Variants in GCN1 observed in about 807,000 individuals in gnomAD.
The protein encoded by GCN1 is stalled ribosome sensor GCN1.
Under a neutral mutation model 288.4 loss-of-function variants are expected in GCN1, and 90 were observed. The observed-to-expected ratio is 0.31, with a 90% CI of 0.26 to 0.37. The LOEUF (loss-of-function observed/expected upper bound fraction) is 0.37, where lower values mean the gene tolerates loss of function less well. Among genes scored for constraint, GCN1 ranks in the 10% least tolerant of loss-of-function variants. The probability of loss-of-function intolerance (pLI) is 1.00; values close to 1 mark genes in which losing one functional copy is unlikely to be tolerated. For missense variants in GCN1, 2,586 were observed against 3,419.9 expected (o/e 0.76, Z 6.08); for synonymous variants, 1,386 against 1,420.2 (o/e 0.98, Z 0.54).
At chr12:120,181,018 G>A (rs1878640596) in intron 5 of GCN1, among the ~76,000 whole-genome samples, 1 of 151,028 alleles carries the variant, frequency 6.6e-6, no homozygotes, top group Non-Finnish European at 1.5e-5. Context: ...AAAAGAAAAA[G>A]CAAGCAAGCA....
chr12:120,178,987 CATGAGACTGAGGGTCCCAT>C (rs1267356981), intron 5 of GCN1, 37 bp from the exon 6 acceptor site: 1 of 1,554,338 alleles, frequency 6.4e-7, no homozygotes, highest in Non-Finnish European at 8.8e-7. Context: ...CAAGGTGGGA[CATGAGACTGAGGGTCCCAT>C]GGCTCTCATA....
intron 20 of GCN1, chr12:120,162,318 G>A: frequency 2.0e-6 from 1 of 509,960 alleles, no homozygotes; most frequent in Non-Finnish European, 3.5e-6. Context: ...AGGTGGAGCT[G>A]CCCTCACTTT....
Position 120,164,453 on chromosome 12 carries a change from G to A in GCN1, c.1731C>T (p.Thr577=). ...RALVAVLLSR[T]WHVRRQAQQT... ...GCTGAGCCTGCCTGCGGACGTGCCAGGTGCGGCTCAGGAGCACCGCCACCA... is the reference window on the plus strand; with the variant it reads ...GCTGAGCCTGCCTGCGGACGTGCCAAGTGCGGCTCAGGAGCACCGCCACCA... Residue 577 remains threonine, a synonymous_variant, in exon 18 of 58, where the codon ACC becomes ACT. Transcript: ENST00000300648. 6.2e-7 allele frequency: 1 copy of A among 1,614,208 alleles called. No homozygotes were observed. The highest frequency in any genetic ancestry group is 8.5e-7 in the Non-Finnish European group (1 of 1,180,032).
Position 120,170,646 on chromosome 12 carries a change from T to C in GCN1, c.1367-325A>G, listed in dbSNP as rs552665667. The stretch of plus-strand genomic sequence containing the variant: ...CAACATGGAGAAACCCCGTCTCTAT[T>C]AAAAATACAAAATTAGCTGGGCGTG... On this transcript the variant is annotated intron_variant, in intron 14 of 57. Coordinates refer to ENST00000300648, the MANE Select transcript of GCN1 (RefSeq NM_006836.2). Among the ~76,000 whole-genome samples, 4 of 151,454 alleles carry C rather than the reference T, an allele frequency of 2.6e-5. No individual in the cohort carries two copies. The South Asian group carries it at 8.4e-4, about 32-fold the overall frequency.
chr12:120,149,597 T>G lies in GCN1; in HGVS notation c.4546+9A>C, dbSNP rs759299717. 2 of 1,579,170 alleles carry G rather than the reference T, an allele frequency of 1.3e-6. No individual in the cohort carries two copies. Among genetic ancestry groups the G allele is most frequent in the Admixed American group, 1.7e-5 (1 of 59,916 alleles). On this transcript the variant is annotated intron_variant, in intron 36 of 57. Coordinates refer to ENST00000300648, the MANE Select transcript of GCN1 (RefSeq NM_006836.2). The stretch of plus-strand genomic sequence containing the variant: ...AAGCTGGGAAGAGAGGCAGAGCGAG[T>G]GGTCTTACCAGCTTTGGTCCGCCAC...
At chr12:120,139,805 C>T (rs1427705641) in intron 45 of GCN1, among the ~76,000 whole-genome samples, 1 of 152,180 alleles carries the variant, frequency 6.6e-6, no homozygotes, top group Non-Finnish European at 1.5e-5. Context: ...CTTTCTTTTG[C>T]TTATTCTCTT....
At chr12:120,193,986 G>T (rs529567598) in intron 1 of GCN1, among the ~76,000 whole-genome samples, 4 of 152,284 alleles carry the variant, frequency 2.6e-5, no homozygotes, top group Admixed American at 2.6e-4. Flanking sequence ...TGGAGGAAAA[G>T]GTTTTCCCAG....
At position 120,140,935 on chromosome 12, in the gene GCN1, C is replaced by T. The variant is rs1309720059; in HGVS notation, c.5918G>A (p.Arg1973Lys). Residue 1973 changes from arginine (R) to lysine (K), a missense_variant, in exon 45 of 58, where the codon AGG (arginine) becomes AAG (lysine). This residue lies in a region of GCN1 where 437 missense variants were observed against 570.5 expected (regional missense o/e 0.77). Transcript: ENST00000300648. The stretch of plus-strand genomic sequence containing the variant: ...CTGCCTCTCATCGCTCTTCTGAGAC[C>T]TCAGGCCTTCCTCAAGGATGGGGAT... ...EIIPILEEGL[R>K]SQKSDERQGV... 2 of 1,614,104 alleles carry T rather than the reference C, an allele frequency of 1.2e-6. No homozygotes were observed. Among genetic ancestry groups the T allele is most frequent in the Admixed American group, 3.3e-5 (2 of 60,022 alleles).
chr12:120,156,990 A>G lies in GCN1; in HGVS notation c.3090T>C (p.Asn1030=). 1.2e-6 allele frequency: 2 copies of G among 1,609,368 alleles called. No individual in the cohort carries two copies. The highest frequency in any genetic ancestry group is 1.7e-6 in the Non-Finnish European group (2 of 1,175,788). Residue 1030 remains asparagine (N), a splice_region_variant and synonymous_variant, in exon 27 of 58, where the codon AAT becomes AAC. Transcript: ENST00000300648. The surrounding 1 kb of genome is among the most constrained non-coding windows in gnomAD (Gnocchi z 5.8). ...PNTPPGRVDE[N]GPELLPRVAM... ...CCACGCGAGGCAGCAACTCCGGGCC[A>G]TTCTAGGAGAGAACGGCAGGTAAGT...
intron 15 of GCN1, 100 bp from the exon 16 acceptor site, chr12:120,168,400 C>T (rs1338857426): frequency 2.6e-6 from 2 of 763,964 alleles, no homozygotes; most frequent in South Asian, 1.4e-5. Context: ...TGCTGACAAA[C>T]CCTCCTCTGC....
intron 38 of GCN1, among the ~76,000 whole-genome samples, 178 bp from the exon 39 acceptor site, chr12:120,145,508 G>A (rs1189403135): frequency 6.6e-6 from 1 of 152,110 alleles, no homozygotes; most frequent in Non-Finnish European, 1.5e-5. Context: ...TCTCCGACTG[G>A]TTCCTTCAAG....
Position 120,144,944 on chromosome 12 carries a change from C to G in GCN1, c.5134G>C (p.Asp1712His). The stretch of plus-strand genomic sequence containing the variant: ...TTACCCTGTGCAGCGCCTGAGCGAT[C>G]CACAGAGCTCTGCTCATAGGTCAGT... The part of the protein sequence containing the change: ...ETLTYEQSSV[D>H]RSGAAQGLAE... The change falls in exon 40 of 58, where the codon GAT becomes CAT. Residue 1712 changes from aspartate (D) to histidine (H), a missense_variant. Physicochemically the swap from Asp to His is moderately conservative, Grantham distance 81 (BLOSUM62 -1). Around this residue, in one of 8 missense-constraint regions of GCN1, gnomAD observed 371 missense variants for 572.6 expected, o/e 0.65. Transcript: ENST00000300648. The surrounding 1 kb of genome is among the most constrained non-coding windows in gnomAD (Gnocchi z 4.7). 1 of 1,614,178 alleles carries G rather than the reference C, an allele frequency of 6.2e-7. No homozygotes were observed. The highest frequency in any genetic ancestry group is 2.2e-5 in the East Asian group (1 of 44,880).
chr12:120,174,058 T>C lies in GCN1; in HGVS notation c.1192+13A>G. 1 of 1,483,922 alleles carries C rather than the reference T, an allele frequency of 6.7e-7. No individual in the cohort carries two copies. The highest frequency in any genetic ancestry group is 9.4e-7 in the Non-Finnish European group (1 of 1,061,442). The allele number at this position is 1,483,922 out of a possible 1,614,324, so 91.9% of individuals were successfully genotyped here. A position where few individuals can be genotyped will look rare whatever the true frequency, so the allele number is the denominator to read the frequency against. ...AGTACAGAACGCATGCTCACCATGT[T>C]GCACAGAATTACCTTCCTGCTGAAG... On this transcript the variant is annotated intron_variant, in intron 13 of 57. Transcript: ENST00000300648.
intron 35 of GCN1, 35 bp from the exon 36 acceptor site, chr12:120,149,755 T>C (rs187982506): frequency 2.8e-5 from 45 of 1,580,880 alleles, no homozygotes; most frequent in African/African-American, 2.8e-4. Context: ...AGGGGCCTCC[T>C]CACCCAAGCA....
chr12:120,129,164 A>G lies in GCN1; in HGVS notation c.7890+112T>C, dbSNP rs1005206686. On this transcript the variant is annotated intron_variant, in intron 57 of 57. Transcript: ENST00000300648. ...AAATCTTAATCTGCTCCTGAAAGCT[A>G]GCACATCCGTGGTGGCAGAGAAGAG... The G allele has an allele frequency of 6.9e-6, 6 of 875,600 alleles. No individual in the cohort carries two copies. In the African/African-American group the frequency reaches 1.0e-4, roughly 15 times the overall value. 54.2% of individuals were successfully genotyped at this position (875,600 alleles called of 1,614,324 possible).
intron 15 of GCN1, among the ~76,000 whole-genome samples, chr12:120,169,411 A>G (rs900063817): frequency 3.4e-5 from 5 of 148,566 alleles, no homozygotes. Flanking sequence ...TATATAGTAT[A>G]TATATTATAT....
At chr12:120,148,772 A>G (rs901343970) in intron 36 of GCN1, among the ~76,000 whole-genome samples, 1 of 152,022 alleles carries the variant, frequency 6.6e-6, no homozygotes, top group African/African-American at 2.4e-5. Context: ...TCCTCCCCCA[A>G]CTAGAGCAGC....
chr12:120,145,701 T>G (rs900153405), intron 38 of GCN1, among the ~76,000 whole-genome samples: 2 of 152,242 alleles, frequency 1.3e-5, no homozygotes, highest in Non-Finnish European at 2.9e-5. Flanking sequence ...CTTCCCTTTC[T>G]TCATCTCAAA....
intron 11 of GCN1, 103 bp from the exon 12 acceptor site, chr12:120,175,315 C>A: frequency 1.9e-6 from 2 of 1,048,320 alleles, no homozygotes; most frequent in Non-Finnish European, 1.5e-6. Context: ...GTTTCTGATT[C>A]CAGAAGTAGC....
Sources: gnomAD v4.1 joint callset for allele counts (sites outside exome capture counted in the v4.1 genomes callset) on GRCh38, gnomAD v4.1.1 for gene constraint, gnomAD v4.1.1 regional missense constraint, Gnocchi (gnomAD v3.1) non-coding constraint, MANE v1.5 for transcripts, NCBI Gene and HGNC (gene_info 2026-07-23, HGNC 2026-07-21) for gene names.